Variants in GSDMC observed in about 807,000 individuals in gnomAD.
GSDMC encodes gasdermin-C.
In GSDMC, 59 loss-of-function variants were observed where a neutral mutation model predicts 58.0. The observed-to-expected ratio is 1.02, with a 90% CI of 0.82 to 1.26. GSDMC has a LOEUF of 1.26. Among genes scored for constraint, GSDMC ranks in the 50% most tolerant of loss-of-function variants. The pLI, the probability that GSDMC is intolerant of heterozygous loss-of-function variation, is 0.00. For missense variants in GSDMC, 659 were observed against 598.5 expected (o/e 1.10, Z -1.06); for synonymous variants, 241 against 220.2 (o/e 1.09, Z -0.83).
chr8:129,724,786 C>A, the GSDMC span, among the ~76,000 whole-genome samples: 1 of 152,138 alleles, frequency 6.6e-6, no homozygotes, highest in Admixed American at 6.5e-5. Context: ...ACATAATCCT[C>A]CTCCCTTACT....
At chr8:129,749,166 C>A (rs1368534010) in intron 13 of GSDMC, among the ~76,000 whole-genome samples, 1 of 152,012 alleles carries the variant, frequency 6.6e-6, no homozygotes, top group Non-Finnish European at 1.5e-5. Context: ...AATATTATAT[C>A]CCCTTAGACC....
rs768799375 is a variant in GSDMC, at chr8:129,750,509, C to T, written c.1005G>A (p.Lys335=). The part of the protein sequence containing the change: ...QKIKTLAQLS[K]DVQDVMFYSI... ...TGTAGAACATGACATCCTGAACATC[C>T]TTTGAGAGCTGAGCCAGTGTCTTTA... is the stretch of plus-strand genomic sequence containing the variant. Residue 335 remains lysine (K), a synonymous_variant, in exon 11 of 14, where the codon AAG becomes AAA. Transcript: ENST00000276708. 8 of 1,613,870 alleles carry T rather than the reference C, an allele frequency of 5.0e-6. No homozygotes were observed. In the South Asian group the frequency reaches 7.7e-5, roughly 16 times the overall value.
intron 9 of GSDMC, 23 bp from the exon 10 acceptor site, chr8:129,751,591 A>C: frequency 6.2e-7 from 1 of 1,609,818 alleles, no homozygotes; most frequent in Non-Finnish European, 8.5e-7. Context: ...TCAAGTCATC[A>C]TCTCACTTCC....
the GSDMC span, among the ~76,000 whole-genome samples, chr8:129,716,539 A>T: frequency 6.6e-6 from 1 of 152,268 alleles, no homozygotes; most frequent in South Asian, 2.1e-4. Context: ...GGGTTTTCTA[A>T]ATATACAATC....
the GSDMC span, among the ~76,000 whole-genome samples, chr8:129,725,110 A>G: frequency 3.9e-5 from 6 of 152,230 alleles, no homozygotes; most frequent in African/African-American, 1.4e-4. Context: ...GAGGAAGACC[A>G]TGGGGCCACC....
intron 1 of GSDMC, among the ~76,000 whole-genome samples, chr8:129,779,611 T>C (rs951626295): frequency 6.7e-6 from 1 of 150,084 alleles, no homozygotes; most frequent in African/African-American, 2.4e-5. Flanking sequence ...GAACTTAAAA[T>C]AAAAGTATAA....
rs1335757512 is a variant in GSDMC, at chr8:129,750,416, T to A, written c.1083+15A>T. On this transcript the variant is annotated intron_variant, in intron 11 of 13. Transcript: ENST00000276708. ...ACAGCTTTTACCAGACCTATGCAACTGTGGAGCCCCTCACCATGTTCATCA... is the reference window on the plus strand; with the variant it reads ...ACAGCTTTTACCAGACCTATGCAACAGTGGAGCCCCTCACCATGTTCATCA... The A allele has an allele frequency of 6.2e-7, 1 of 1,610,440 alleles. No individual in the cohort carries two copies. The highest frequency in any genetic ancestry group is 8.5e-7 in the Non-Finnish European group (1 of 1,178,576).
rs1371316205 is a variant in GSDMC at position 129,779,032 on chromosome 8, A to G, written c.-4-1441T>C. On this transcript the variant is annotated intron_variant, in intron 1 of 13. Transcript: ENST00000276708. Reference sequence around the variant, plus strand: ...GATGGGAATGTAAATTAGTTCAACCACTGTGAAAAACAGTTTGGTGATTCC... The same window carrying G: ...GATGGGAATGTAAATTAGTTCAACCGCTGTGAAAAACAGTTTGGTGATTCC... 2.6e-5 allele frequency among the ~76,000 whole-genome samples: 4 copies of G among 152,356 alleles called. No homozygotes were observed. The East Asian group carries it at 7.7e-4, about 29-fold the overall frequency.
the GSDMC span, among the ~76,000 whole-genome samples, chr8:129,738,819 A>G: frequency 6.7e-6 from 1 of 149,928 alleles, no homozygotes. Flanking sequence ...AAAAAAAAGA[A>G]AAAAAATACT....
intron 3 of GSDMC, among the ~76,000 whole-genome samples, chr8:129,770,399 G>A (rs1364070777): frequency 2.6e-5 from 4 of 152,152 alleles, no homozygotes; most frequent in Non-Finnish European, 5.9e-5. Context: ...GGGAGGCTGA[G>A]GCATGAGAAT....
In GSDMC at chr8:129,777,388, T is replaced by A; in HGVS notation, c.200A>T (p.Glu67Val). The A allele has an allele frequency of 6.2e-7, 1 of 1,611,992 alleles. No individual in the cohort carries two copies. Among genetic ancestry groups the A allele is most frequent in the Non-Finnish European group, 8.5e-7 (1 of 1,178,026 alleles). The change falls in exon 2 of 14, where the codon GAG becomes GTG. Residue 67 changes from glutamate (E) to valine (V), a missense_variant. Glu to Val is a moderately radical substitution (Grantham distance 121). Transcript: ENST00000276708. ...PVEFSLNDILEPSSSVLETVV... is the reference protein window; with the variant it reads ...PVEFSLNDILVPSSSVLETVV... ...AATACCTAGGACTGAAGAACTTGGC[T>A]CCAGGATGTCATTGAGGGAGAATTC...
the GSDMC span, among the ~76,000 whole-genome samples, chr8:129,742,494 A>G: frequency 6.6e-6 from 1 of 152,142 alleles, no homozygotes; most frequent in East Asian, 1.9e-4. Context: ...AAGCCATCCA[A>G]CCAGGGTCAT....
intron 3 of GSDMC, among the ~76,000 whole-genome samples, chr8:129,768,096 A>T (rs1490638137): frequency 6.6e-6 from 1 of 152,138 alleles, no homozygotes; most frequent in Non-Finnish European, 1.5e-5. Context: ...ATCCAGCCCG[A>T]CCATGGAGCA....
the GSDMC span, among the ~76,000 whole-genome samples, chr8:129,742,951 A>T: frequency 2.3e-4 from 35 of 152,244 alleles, no homozygotes; most frequent in African/African-American, 8.4e-4. Context: ...TTTGCTTTTT[A>T]TCATGGATTT....
At chr8:129,710,640 C>T in the GSDMC span, among the ~76,000 whole-genome samples, 1 of 152,116 alleles carries the variant, frequency 6.6e-6, no homozygotes, top group Non-Finnish European at 1.5e-5. Flanking sequence ...AATGTGACAG[C>T]CTGAAAGAGT....
chr8:129,715,260 A>G, the GSDMC span, among the ~76,000 whole-genome samples: 5 of 152,156 alleles, frequency 3.3e-5, no homozygotes, highest in African/African-American at 1.2e-4. Flanking sequence ...GTCCTAGACT[A>G]AACACTGTTC....
At chr8:129,772,412 C>T (rs1368290398) in intron 3 of GSDMC, among the ~76,000 whole-genome samples, 3 of 151,298 alleles carry the variant, frequency 2.0e-5, no homozygotes, top group Non-Finnish European at 2.9e-5. Flanking sequence ...AGAAGAACTC[C>T]AACAAATAAA....
chr8:129,730,629 A>C, the GSDMC span, among the ~76,000 whole-genome samples: 1 of 152,264 alleles, frequency 6.6e-6, no homozygotes, highest in Non-Finnish European at 1.5e-5. Context: ...AAAATCACAC[A>C]ATATACAGAT....
the GSDMC span, chr8:129,730,205 A>C: frequency 8.1e-7 from 1 of 1,235,726 alleles, no homozygotes; most frequent in African/African-American, 1.5e-5. Flanking sequence ...TGTATCTAGA[A>C]GAAGAAATGA....
Sources: gnomAD v4.1 joint callset for allele counts (sites outside exome capture counted in the v4.1 genomes callset) on GRCh38, gnomAD v4.1.1 for gene constraint, MANE v1.5 for transcripts, NCBI Gene and HGNC (gene_info 2026-07-23, HGNC 2026-07-21) for gene names.